METTL15: variants seen among roughly 807,000 people sequenced by gnomAD.
METTL15 encodes 12S rRNA N(4)-cytidine methyltransferase METTL15.
Under a neutral mutation model 38.3 loss-of-function variants are expected in METTL15, and 34 were observed. The ratio of observed to expected loss-of-function variants is 0.89; its 90% CI spans 0.68 to 1.18. The LOEUF (loss-of-function observed/expected upper bound fraction) is 1.18, where lower values mean the gene tolerates loss of function less well. Ranked by LOEUF, METTL15 falls within the 50% of genes most tolerant of loss-of-function variation. The pLI, the probability that METTL15 is intolerant of heterozygous loss-of-function variation, is 0.00. For missense variants in METTL15, 438 were observed against 498.4 expected (o/e 0.88, Z 1.15); for synonymous variants, 162 against 170.9 (o/e 0.95, Z 0.41).
At chr11:28,322,742 G>T (rs1029288300) in intron 6 of METTL15, among the ~76,000 whole-genome samples, 1 of 152,010 alleles carries the variant, frequency 6.6e-6, no homozygotes, top group Non-Finnish European at 1.5e-5. Flanking sequence ...TGCTATGTAG[G>T]ATTATAAAAT....
At chr11:28,308,860 TAGAA>T (rs1857169750) in intron 6 of METTL15, among the ~76,000 whole-genome samples, 2 of 151,252 alleles carry the variant, frequency 1.3e-5, no homozygotes, top group Admixed American at 6.6e-5. Flanking sequence ...GTTCATCAGA[TAGAA>T]AGAAAGATTA....
At chr11:28,327,950 A>G in intron 6 of METTL15, 2 of 733,040 alleles carry the variant, frequency 2.7e-6, no homozygotes, top group Non-Finnish European at 2.1e-6. Context: ...CCATCATTTT[A>G]ATTTCTGCAA....
intron 5 of METTL15, among the ~76,000 whole-genome samples, chr11:28,387,477 T>C (rs1282265008): frequency 6.6e-6 from 1 of 151,790 alleles, no homozygotes; most frequent in Non-Finnish European, 1.5e-5. Context: ...CCATGCAAAC[T>C]ACCAAAACCG....
intron 6 of METTL15, among the ~76,000 whole-genome samples, chr11:28,475,007 T>C (rs1183079853): frequency 6.6e-6 from 1 of 152,190 alleles, no homozygotes; most frequent in African/African-American, 2.4e-5. Flanking sequence ...CTCTCTCTTA[T>C]TTAATCAGAT....
chr11:28,256,995 T>C (rs1251134923), intron 4 of METTL15, among the ~76,000 whole-genome samples: 3 of 152,190 alleles, frequency 2.0e-5, no homozygotes, highest in Non-Finnish European at 4.4e-5. Context: ...TTGCATGTAT[T>C]TGTATAGTTT....
chr11:28,181,592 ATT>A (rs137935737), intron 3 of METTL15, among the ~76,000 whole-genome samples: 1 of 151,692 alleles, frequency 6.6e-6, no homozygotes, highest in Non-Finnish European at 1.5e-5. Flanking sequence ...TAAACTCATC[ATT>A]TTTTAAGGCT....
chr11:28,161,891 T>C (rs1157300131), intron 3 of METTL15, among the ~76,000 whole-genome samples: 1 of 152,124 alleles, frequency 6.6e-6, no homozygotes, highest in Non-Finnish European at 1.5e-5. Context: ...CAACAAGATT[T>C]AGTTTTGAGG....
chr11:28,459,404 G>A (rs1851196856), intron 6 of METTL15, among the ~76,000 whole-genome samples: 1 of 152,122 alleles, frequency 6.6e-6, no homozygotes, highest in South Asian at 2.1e-4. Flanking sequence ...ATGACAGCCA[G>A]GAAGAAACAG....
chr11:28,273,804 G>A (rs1855739221), intron 4 of METTL15, among the ~76,000 whole-genome samples: 1 of 151,914 alleles, frequency 6.6e-6, no homozygotes, highest in African/African-American at 2.4e-5. Flanking sequence ...ATTAGTATAG[G>A]AAGTGAAATC....
At chr11:28,164,642 CAT>C (rs1453012515) in intron 3 of METTL15, among the ~76,000 whole-genome samples, 5 of 152,026 alleles carry the variant, frequency 3.3e-5, no homozygotes, top group Admixed American at 3.3e-4. Flanking sequence ...AGCCAATTAA[CAT>C]GTCACTTATT....
At position 28,446,930 on chromosome 11, in the gene METTL15, A is replaced by G. The variant is rs566496258; in HGVS notation, c.*424+22566A>G. On this transcript the variant is annotated intron_variant and NMD_transcript_variant, in intron 6 of 7. Coordinates refer to the METTL15 transcript ENST00000532947. ...AATACAAGAATACATACACACATAT[A>G]TATACACACACACTATAAAAATTAA... Among the ~76,000 whole-genome samples the G allele has an allele frequency of 2.7e-4, 41 of 152,272 alleles. No homozygotes were observed. In the South Asian group the frequency reaches 7.9e-3, roughly 29 times the overall value.
intron 6 of METTL15, among the ~76,000 whole-genome samples, chr11:28,447,730 T>G (rs1851086815): frequency 6.6e-6 from 1 of 152,158 alleles, no homozygotes; most frequent in African/African-American, 2.4e-5. Flanking sequence ...GGCAGTTATG[T>G]ACTGTCTTGC....
intron 6 of METTL15, among the ~76,000 whole-genome samples, chr11:28,434,333 C>G (rs1850962953): frequency 6.6e-6 from 1 of 152,156 alleles, no homozygotes; most frequent in Non-Finnish European, 1.5e-5. Context: ...AACCTCTTTC[C>G]TTTATAAATT....
chr11:28,290,349 T>C lies in METTL15; in HGVS notation c.551T>C (p.Phe184Ser). Residue 184 changes from phenylalanine (F) to serine (S), a missense_variant, in exon 5 of 7, where the codon TTT (phenylalanine) becomes TCT (serine). Physicochemically the swap from Phe to Ser is radical, Grantham distance 155. Transcript: ENST00000407364. ...CAACTTGATACTCCTGAAAGAGGTT[T>C]TTCCCTTCGGAAAGATGGCCCTTTG... ...SMQLDTPERG[F>S]SLRKDGPLDM... The C allele has an allele frequency of 6.2e-7, 1 of 1,613,366 alleles. No individual in the cohort carries two copies. The highest frequency in any genetic ancestry group is 8.5e-7 in the Non-Finnish European group (1 of 1,179,536).
rs775350476 is a variant in METTL15, at chr11:28,308,880, A to ATAGG, written c.778+11961_778+11964dup. Among the ~76,000 whole-genome samples the ATAGG allele has an allele frequency of 9.4e-3, 1,122 of 119,576 alleles. 8 individuals carry two copies. Among genetic ancestry groups the ATAGG allele is most frequent in the Non-Finnish European group, 0.013 (703 of 54,870 alleles). 78.4% of individuals were successfully genotyped at this position (119,576 alleles called of 152,430 possible). On this transcript the variant is annotated intron_variant, in intron 6 of 6. Transcript: ENST00000407364. ...TCAGATAGAAAGAAAGATTAGATAG[A>ATAGG]TAGGTAGGTAGGTAGATAGATAGAT...
intron 3 of METTL15, among the ~76,000 whole-genome samples, chr11:28,154,526 T>A (rs1382469588): frequency 3.9e-5 from 6 of 152,158 alleles, no homozygotes; most frequent in African/African-American, 1.4e-4. Flanking sequence ...TATCACAGCT[T>A]ATGGAATAAG....
At chr11:28,147,921 TA>T (rs770238306) in intron 3 of METTL15, among the ~76,000 whole-genome samples, 68 of 151,854 alleles carry the variant, frequency 4.5e-4, no homozygotes, top group Non-Finnish European at 6.5e-4. Flanking sequence ...ATGCTCTATC[TA>T]ACTTTGGGAA....
intron 5 of METTL15, among the ~76,000 whole-genome samples, chr11:28,411,342 A>C (rs1320908523): frequency 6.6e-6 from 1 of 152,032 alleles, no homozygotes; most frequent in Non-Finnish European, 1.5e-5. Flanking sequence ...TCATGTTACA[A>C]AGCTATAGTA....
chr11:28,230,983 CAGGTA>C (rs1853662514), intron 4 of METTL15, among the ~76,000 whole-genome samples: 1 of 151,836 alleles, frequency 6.6e-6, no homozygotes, highest in African/African-American at 2.4e-5. Flanking sequence ...TCTATGAGAT[CAGGTA>C]AGTAAATCTC....
Sources: gnomAD v4.1 joint callset for allele counts (sites outside exome capture counted in the v4.1 genomes callset) on GRCh38, gnomAD v4.1.1 for gene constraint, MANE v1.5 for transcripts, NCBI Gene and HGNC (gene_info 2026-07-23, HGNC 2026-07-21) for gene names.